Variants in ME3 observed in about 807,000 individuals in gnomAD.
ME3 encodes malic enzyme 3.
ME3 carries 48 observed loss-of-function variants against 68.9 expected under a neutral mutation model. The ratio of observed to expected loss-of-function variants is 0.70; its 90% confidence interval spans 0.55 to 0.89. ME3 has a LOEUF of 0.89. ME3 is among the 40% of genes least tolerant of loss of function. The pLI is 0.00. For synonymous variants in ME3, 320 were observed against 318.8 expected (o/e 1.00, Z -0.04); for missense variants, 675 against 797.4 (o/e 0.85, Z 1.85).
At chr11:86,584,886 G>A (rs1192406318) in intron 2 of ME3, among the ~76,000 whole-genome samples, 17 of 152,184 alleles carry the variant, frequency 1.1e-4, no homozygotes, top group Admixed American at 8.5e-4. Context: ...TGTGTCTGCA[G>A]ATAACAATAC....
At chr11:86,543,705 G>A (rs533210841) in intron 4 of ME3, among the ~76,000 whole-genome samples, 5 of 152,240 alleles carry the variant, frequency 3.3e-5, no homozygotes, top group African/African-American at 9.6e-5. Flanking sequence ...CAAGAACAGC[G>A]GGAGACTTTA....
intron 2 of ME3, among the ~76,000 whole-genome samples, chr11:86,576,151 C>T (rs1257604923): frequency 6.6e-6 from 1 of 152,166 alleles, no homozygotes; most frequent in East Asian, 1.9e-4. Flanking sequence ...AGGTAGCTAA[C>T]ATCGTTATTT....
At chr11:86,465,575 TC>T (rs1444213896) in intron 7 of ME3, among the ~76,000 whole-genome samples, 1 of 151,946 alleles carries the variant, frequency 6.6e-6, no homozygotes, top group Non-Finnish European at 1.5e-5. Flanking sequence ...AGAAGAAAGC[TC>T]ACTCCACATC....
chr11:86,601,685 A>G (rs1960693027), intron 2 of ME3, among the ~76,000 whole-genome samples: 1 of 151,928 alleles, frequency 6.6e-6, no homozygotes, highest in South Asian at 2.1e-4. Context: ...CTTGATGAAC[A>G]TTGATGCAAA....
chr11:86,655,526 G>T (rs1465330810), intron 2 of ME3, among the ~76,000 whole-genome samples: 1 of 152,064 alleles, frequency 6.6e-6, no homozygotes, highest in East Asian at 1.9e-4. Flanking sequence ...AAATGGTGCT[G>T]GGAAAACTGG....
At chr11:86,471,127 T>G (rs1270305407) in intron 7 of ME3, among the ~76,000 whole-genome samples, 30 of 148,118 alleles carry the variant, frequency 2.0e-4, no homozygotes, top group Non-Finnish European at 7.4e-5. Context: ...CTACTTAAAC[T>G]GTAAGGCCCA....
intron 6 of ME3, among the ~76,000 whole-genome samples, chr11:86,493,378 C>T (rs1952114427): frequency 6.6e-6 from 1 of 152,208 alleles, no homozygotes; most frequent in Non-Finnish European, 1.5e-5. Context: ...CTCCAAGGCT[C>T]AGCAGGGTCA....
At chr11:86,446,562 C>T in intron 12 of ME3, 75 bp from the exon 13 acceptor site, 1 of 1,433,608 alleles carries the variant, frequency 7.0e-7, no homozygotes, top group South Asian at 1.2e-5. Flanking sequence ...TTCTTATCTT[C>T]CAAATGTTGG....
Position 86,543,222 on chromosome 11 carries a change from G to C in ME3, c.467+13331C>G, listed in dbSNP as rs1337252454. ...AACATACAAAAATGTAGAGACCATTGACACTATGAACAAACTGCATCAACT... is the reference window on the plus strand; with the variant it reads ...AACATACAAAAATGTAGAGACCATTCACACTATGAACAAACTGCATCAACT... On this transcript the variant is annotated intron_variant, in intron 4 of 14. Transcript: ENST00000543262. Among the ~76,000 whole-genome samples the C allele has an allele frequency of 7.9e-5, 12 of 152,288 alleles. No individual in the cohort carries two copies. In the East Asian group the frequency reaches 2.3e-3, roughly 29 times the overall value.
At chr11:86,607,697 G>T (rs1594646668) in intron 2 of ME3, among the ~76,000 whole-genome samples, 1 of 134,996 alleles carries the variant, frequency 7.4e-6, no homozygotes, top group Admixed American at 7.8e-5. Context: ...GGAAGTCGGT[G>T]TTTTTTTTAA....
exon 12 of ME3, chr11:86,447,143 C>T (rs778727831): frequency 1.2e-6 from 2 of 1,614,184 alleles, no homozygotes; most frequent in Non-Finnish European, 1.7e-6. Context: ...TGATAGGGCG[C>T]TCGTGGAAGG....
chr11:86,443,902 A>T (rs1949143351), intron 13 of ME3, among the ~76,000 whole-genome samples: 2 of 152,016 alleles, frequency 1.3e-5, no homozygotes, highest in African/African-American at 4.8e-5. Context: ...ACTCCTTCCC[A>T]TGGTGTCCAT....
chr11:86,451,900 C>A (rs1949652430), intron 8 of ME3, among the ~76,000 whole-genome samples: 1 of 152,296 alleles, frequency 6.6e-6, no homozygotes, highest in South Asian at 2.1e-4. Context: ...ATGTACTCAA[C>A]CACTCAGGAG....
At chr11:86,579,403 C>T (rs1958304936) in intron 2 of ME3, among the ~76,000 whole-genome samples, 1 of 152,130 alleles carries the variant, frequency 6.6e-6, no homozygotes, top group African/African-American at 2.4e-5. Context: ...TCTGCTCCAA[C>T]TGGCCATGTG....
At chr11:86,492,277 G>A (rs1952053171) in intron 6 of ME3, among the ~76,000 whole-genome samples, 1 of 152,258 alleles carries the variant, frequency 6.6e-6, no homozygotes, top group African/African-American at 2.4e-5. Context: ...ATAAGCCCTT[G>A]AGAAGCATTT....
At chr11:86,660,921 T>A (rs538058) in intron 2 of ME3, among the ~76,000 whole-genome samples, 29,519 of 151,568 alleles carry the variant, frequency 0.19, 3,001 homozygotes, top group African/African-American at 0.25. Context: ...CCCCATGGAG[T>A]GATCTAAAAG....
chr11:86,570,730 G>A (rs1594492434), intron 2 of ME3, among the ~76,000 whole-genome samples: 1 of 152,178 alleles, frequency 6.6e-6, no homozygotes, highest in South Asian at 2.1e-4. Context: ...ATTGGGCTCT[G>A]GTGCCATGGG....
chr11:86,576,637 T>C (rs2139583651), intron 2 of ME3, among the ~76,000 whole-genome samples: 1 of 152,276 alleles, frequency 6.6e-6, no homozygotes. Flanking sequence ...GAGATACTGG[T>C]AAGAGCCCCT....
chr11:86,665,030 G>C (rs894497844), intron 2 of ME3, among the ~76,000 whole-genome samples: 1 of 152,198 alleles, frequency 6.6e-6, no homozygotes, highest in Non-Finnish European at 1.5e-5. Flanking sequence ...TCACCAGGGT[G>C]AAAGAAGGGG....
Sources: gnomAD v4.1 joint callset for allele counts (sites outside exome capture counted in the v4.1 genomes callset) on GRCh38, gnomAD v4.1.1 for gene constraint, MANE v1.5 for transcripts, NCBI Gene and HGNC (gene_info 2026-07-23, HGNC 2026-07-21) for gene names.